The following SUSD2 variants were observed in gnomAD, a reference collection of about 807,000 sequenced individuals.
The protein encoded by SUSD2 is sushi domain containing 2.
SUSD2 carries 86 observed loss-of-function variants against 93.8 expected under a neutral mutation model. That is an observed-to-expected ratio of 0.92 (90% CI 0.77 to 1.10). The LOEUF (loss-of-function observed/expected upper bound fraction) is 1.10, where lower values mean the gene tolerates loss of function less well. Ranked by LOEUF, SUSD2 falls within the 50% of genes least tolerant of loss-of-function variation. The pLI, the probability that SUSD2 is intolerant of heterozygous loss-of-function variation, is 0.00. For missense variants in SUSD2, 1,060 were observed against 1,137.0 expected, an observed-to-expected ratio of 0.93 and a Z score of 0.97; for synonymous variants, 483 against 485.0, an observed-to-expected ratio of 1.00 and a Z score of 0.05.
rs752884554 is a variant in SUSD2 at position 24,183,230 on chromosome 22, A to C, written c.250A>C (p.Lys84Gln). The change falls in exon 2 of 15, where the codon AAG becomes CAG. Residue 84 changes from lysine (K) to glutamine (Q), a missense_variant. This residue lies in a region of SUSD2 where 87 missense variants were observed against 131.6 expected (regional missense o/e 0.66). Coordinates refer to ENST00000358321, the MANE Select transcript of SUSD2 (RefSeq NM_019601.4). Reference protein sequence around the residue: ...GGKDFVVRHFKMSSPTDASVI... With the variant: ...GGKDFVVRHFQMSSPTDASVI... ...CAAGGACTTTGTGGTGCGGCACTTC[A>C]AGATGTCCAGCCCCACAGACGCCAG... The C allele has an allele frequency of 9.3e-6, 15 of 1,613,728 alleles. No individual in the cohort carries two copies. Among genetic ancestry groups the C allele is most frequent in the Non-Finnish European group, 1.3e-5 (15 of 1,179,854 alleles).
At chr22:24,183,964 C>T in intron 3 of SUSD2, 172 bp from the exon 4 acceptor site, 1 of 699,318 alleles carries the variant, frequency 1.4e-6, no homozygotes, top group East Asian at 2.7e-5. Flanking sequence ...GGAGGGCAGG[C>T]CCCTGCCTCT....
rs752952999 is a variant in SUSD2, at chr22:24,181,573, C to T, written c.54C>T (p.Gly18=). 3 of 1,599,992 alleles carry T rather than the reference C, an allele frequency of 1.9e-6. No homozygotes were observed. The highest frequency in any genetic ancestry group is 2.6e-6 in the Non-Finnish European group (3 of 1,175,376). ...TGCTGCTGCTGGCGACAGCCCTCGG[C>T]CCGGGCCCCGGACCCACAGCAGGTA... The part of the protein sequence containing the change: ...WALLLLATAL[G]PGPGPTADAQ... The change falls in exon 1 of 15, where the codon GGC becomes GGT. Residue 18 remains glycine, a synonymous_variant. Transcript: ENST00000358321.
In SUSD2 at chr22:24,184,249, A is replaced by G; in HGVS notation, c.553A>G (p.Lys185Glu). The G allele has an allele frequency of 5.6e-6, 9 of 1,613,710 alleles. No homozygotes were observed. Among genetic ancestry groups the G allele is most frequent in the Non-Finnish European group, 6.8e-6 (8 of 1,180,008 alleles). Residue 185 changes from lysine (K) to glutamate (E), a missense_variant, in exon 4 of 15, where the codon AAG (lysine) becomes GAG (glutamate). Lys to Glu is a moderately conservative substitution (Grantham distance 56, BLOSUM62 1). Around this residue, in one of 2 missense-constraint regions of SUSD2, gnomAD observed 973 missense variants for 1,005.3 expected, o/e 0.97. Coordinates refer to ENST00000358321, the MANE Select transcript of SUSD2 (RefSeq NM_019601.4). ...CAACCTCAGCCTGACCTGGCATGTCAAGTCGCTGCCCACGCAGACCATCAC... is the reference window on the plus strand; with the variant it reads ...CAACCTCAGCCTGACCTGGCATGTCGAGTCGCTGCCCACGCAGACCATCAC... ...SGNLSLTWHV[K>E]SLPTQTITIE...
In SUSD2 at chr22:24,188,122, G is replaced by A. The variant is rs114640245; in HGVS notation, c.2328G>A (p.Pro776=). The A allele has an allele frequency of 9.8e-5, 158 of 1,612,560 alleles. No homozygotes were observed. Among genetic ancestry groups the A allele is most frequent in the East Asian group, 4.5e-4 (20 of 44,852 alleles). ...QADGTWSSPT[P]KCQPGRSYAV... ...ACGGCACCTGGTCCTCACCCACCCCGAAGTGCCAGCCAGGTGAGGACACTC... is the reference window on the plus strand; with the variant it reads ...ACGGCACCTGGTCCTCACCCACCCCAAAGTGCCAGCCAGGTGAGGACACTC... The change falls in exon 13 of 15, where the codon CCG becomes CCA. Residue 776 remains proline, a synonymous_variant. Transcript: ENST00000358321. This position sits in a 1 kb window ranked among gnomAD's most constrained non-coding sequence, Gnocchi z 4.7.
Position 24,186,130 on chromosome 22 carries a change from C to A in SUSD2, c.1454C>A (p.Ala485Glu). Residue 485 changes from alanine to glutamate, a missense_variant, in exon 9 of 15, where the codon GCG (alanine) becomes GAG (glutamate). This residue lies in a region of SUSD2 where 973 missense variants were observed against 1,005.3 expected (regional missense o/e 0.97). Transcript: ENST00000358321. ...EAALTDLRVQ[A>E]RAQPGTMSNG... ...GCGCTGACCGACCTGAGGGTGCAGG[C>A]GCGGGCCCAGCCCGGGACGATGTCC... 3 of 1,611,182 alleles carry A rather than the reference C, an allele frequency of 1.9e-6. No homozygotes were observed. Among genetic ancestry groups the A allele is most frequent in the Non-Finnish European group, 2.5e-6 (3 of 1,178,962 alleles).
rs762764639 is a variant in SUSD2, at chr22:24,184,747, C to CA, written c.608-18dup. On this transcript the variant is annotated intron_variant, in intron 4 of 14. Coordinates refer to ENST00000358321, the MANE Select transcript of SUSD2 (RefSeq NM_019601.4). ...GCCTCGAAGGAACCCCAGGGCTAACCAGGCATCCTCTCCCTCAGGAATGCC... is the reference window on the plus strand; with the variant it reads ...GCCTCGAAGGAACCCCAGGGCTAACCAAGGCATCCTCTCCCTCAGGAATGCC... 310 of 1,557,038 alleles carry CA rather than the reference C, an allele frequency of 2.0e-4. No individual in the cohort carries two copies. The highest frequency in any genetic ancestry group is 9.7e-5 in the Admixed American group (5 of 51,662).
intron 3 of SUSD2, 126 bp downstream of exon 3, chr22:24,183,772 G>T (rs2047341935): frequency 3.6e-6 from 4 of 1,101,624 alleles, no homozygotes; most frequent in Admixed American, 2.6e-5. Context: ...TGGGAGGCCT[G>T]CCCGCCTGCG....
Position 24,187,184 on chromosome 22 carries a change from C to T in SUSD2, c.1643-18C>T, listed in dbSNP as rs762815387. Reference sequence around the variant, plus strand: ...ATGCTCACAGCGGGTGACCCTAATGCATCCCCCTTGAGCCCAGGAATGTTC... The same window carrying T: ...ATGCTCACAGCGGGTGACCCTAATGTATCCCCCTTGAGCCCAGGAATGTTC... On this transcript the variant is annotated intron_variant, in intron 10 of 14. Transcript: ENST00000358321. The T allele has an allele frequency of 9.3e-6, 15 of 1,607,996 alleles. No homozygotes were observed. In the South Asian group the frequency reaches 1.6e-4, roughly 18 times the overall value.
At position 24,187,593 on chromosome 22, in the gene SUSD2, C is replaced by T. The variant is rs1183149534; in HGVS notation, c.1914C>T (p.Ser638=). 1.9e-6 allele frequency: 3 copies of T among 1,613,396 alleles called. No individual in the cohort carries two copies. Among genetic ancestry groups the T allele is most frequent in the Non-Finnish European group, 2.5e-6 (3 of 1,179,488 alleles). ...CAGGGACCGTGCACAATGCGTCCTC[C>T]CTGCTCACCTACGATTCCTGGTTCC... ...GANWTVHNAS[S]LLTYDSWFLV... The change falls in exon 12 of 15, where the codon TCC becomes TCT. Residue 638 remains serine, a synonymous_variant. Coordinates refer to ENST00000358321, the MANE Select transcript of SUSD2 (RefSeq NM_019601.4).
At position 24,185,530 on chromosome 22, in the gene SUSD2, C is replaced by G; in HGVS notation, c.1029C>G (p.Tyr343Ter). The G allele has an allele frequency of 1.9e-6, 3 of 1,581,606 alleles. No individual in the cohort carries two copies. Among genetic ancestry groups the G allele is most frequent in the Non-Finnish European group, 2.6e-6 (3 of 1,163,914 alleles). The part of the protein sequence containing the change: ...CDMEQGSVCT[Y>*]HPGAVHCVRS... Reference sequence around the variant, plus strand: ...TGGAGCAGGGCAGCGTGTGCACCTACCACCCCGGGGCCGTGCACTGTGTGC... The same window carrying G: ...TGGAGCAGGGCAGCGTGTGCACCTAGCACCCCGGGGCCGTGCACTGTGTGC... Residue 343 changes from tyrosine to a stop codon, truncating the protein, a stop_gained, in exon 7 of 15, where the codon TAC becomes TAG. Transcript: ENST00000358321. LOFTEE classifies it high-confidence loss of function.
rs1170450201 is a variant in SUSD2, at chr22:24,186,279, GC to G, written c.1507del (p.Leu503Ter). On this transcript the variant is annotated frameshift_variant, in exon 10 of 15. Coordinates refer to ENST00000358321, the MANE Select transcript of SUSD2 (RefSeq NM_019601.4). LOFTEE classifies it high-confidence loss of function. ...SNGTETRGTG[L>X]TAVAVQEGNS... ...CAGGCACGGAGACCCGTGGCACTGG[GC>G]TGACCGCAGTGGCCGTCCAGGAGGG... 5 of 1,613,512 alleles carry G rather than the reference GC, an allele frequency of 3.1e-6. No individual in the cohort carries two copies. In the African/African-American group the frequency reaches 6.7e-5, roughly 22 times the overall value.
rs770247435 is a variant in SUSD2, at chr22:24,185,878, A to G, written c.1288A>G (p.Met430Val). 6.6e-5 allele frequency: 105 copies of G among 1,589,972 alleles called. No individual in the cohort carries two copies. The highest frequency in any genetic ancestry group is 8.1e-5 in the Non-Finnish European group (95 of 1,166,506). ...CTGGGCACCCGACTGCCCCCGCTAC[A>G]TGCAACGGCGGCCCTCCAATGACTG... ...CLWAPDCPRY[M>V]QRRPSNDCRN... The change falls in exon 8 of 15, where the codon ATG becomes GTG. Residue 430 changes from methionine to valine, a missense_variant. Physicochemically the swap from Met to Val is conservative, Grantham distance 21 (BLOSUM62 1). Transcript: ENST00000358321.
intron 8 of SUSD2, 23 bp from the exon 9 acceptor site, chr22:24,185,993 G>A (rs762096996): frequency 6.9e-6 from 11 of 1,591,452 alleles, no homozygotes; most frequent in Admixed American, 3.4e-5. Context: ...GCACCCCCAC[G>A]TGACCCTCCA....
intron 10 of SUSD2, 155 bp from the exon 11 acceptor site, chr22:24,187,047 G>T: frequency 1.0e-6 from 1 of 958,862 alleles, no homozygotes; most frequent in Non-Finnish European, 1.5e-6. Context: ...GTGGCGGAGG[G>T]TCATGGTCAG....
rs1415183721 is a variant in SUSD2 at position 24,185,849 on chromosome 22, G to A, written c.1259G>A (p.Cys420Tyr). The A allele has an allele frequency of 6.2e-7, 1 of 1,604,080 alleles. No individual in the cohort carries two copies. The highest frequency in any genetic ancestry group is 8.5e-7 in the Non-Finnish European group (1 of 1,175,306). ...LYDVLSFYYC[C>Y]LWAPDCPRYM... Reference sequence around the variant, plus strand: ...GATGTCCTCAGCTTCTATTACTGCTGCCTCTGGGCACCCGACTGCCCCCGC... The same window carrying A: ...GATGTCCTCAGCTTCTATTACTGCTACCTCTGGGCACCCGACTGCCCCCGC... Residue 420 changes from cysteine (C) to tyrosine (Y), a missense_variant, in exon 8 of 15, where the codon TGC (cysteine) becomes TAC (tyrosine). By Grantham distance (194) the Cys-to-Tyr change is radical. Transcript: ENST00000358321.
chr22:24,186,284 C>T lies in SUSD2; in HGVS notation c.1511C>T (p.Thr504Ile). The change falls in exon 10 of 15, where the codon ACC becomes ATC. Residue 504 changes from threonine (T) to isoleucine (I), a missense_variant. Coordinates refer to ENST00000358321, the MANE Select transcript of SUSD2 (RefSeq NM_019601.4). The stretch of plus-strand genomic sequence containing the variant: ...ACGGAGACCCGTGGCACTGGGCTGA[C>T]CGCAGTGGCCGTCCAGGAGGGCAAC... ...NGTETRGTGL[T>I]AVAVQEGNSD... 6.2e-7 allele frequency: 1 copy of T among 1,613,702 alleles called. No homozygotes were observed. Among genetic ancestry groups the T allele is most frequent in the Non-Finnish European group, 8.5e-7 (1 of 1,180,012 alleles).
chr22:24,187,580 AC>A lies in SUSD2; in HGVS notation c.1902del (p.His634GlnfsTer66). ...GTCATGTATCTTCCAGGGACCGTGC[AC>A]AATGCGTCCTCCCTGCTCACCTACG... ...LFLFGANWTV[H>X]NASSLLTYDS... On this transcript the variant is annotated frameshift_variant, in exon 12 of 15. Transcript: ENST00000358321. LOFTEE classifies it high-confidence loss of function. 8 of 1,612,078 alleles carry A rather than the reference AC, an allele frequency of 5.0e-6. No homozygotes were observed. Among genetic ancestry groups the A allele is most frequent in the Non-Finnish European group, 6.8e-6 (8 of 1,178,634 alleles).
chr22:24,185,156 G>A lies in SUSD2; in HGVS notation c.845G>A (p.Arg282Gln), dbSNP rs201083800. The A allele has an allele frequency of 1.3e-5, 21 of 1,612,716 alleles. No individual in the cohort carries two copies. Among genetic ancestry groups the A allele is most frequent in the East Asian group, 6.7e-5 (3 of 44,834 alleles). The change falls in exon 6 of 15, where the codon CGA becomes CAA. Residue 282 changes from arginine (R) to glutamine (Q), a missense_variant. Physicochemically the swap from Arg to Gln is conservative, Grantham distance 43 (BLOSUM62 1). Coordinates refer to ENST00000358321, the MANE Select transcript of SUSD2 (RefSeq NM_019601.4). The part of the protein sequence containing the change: ...ALAWHLSDDF[R>Q]EDPVAWARTQ... ...GCCTGGCACCTGAGCGATGACTTCC[G>A]AGAGGACCCTGTGGCCTGGGCACGA...
In SUSD2 at chr22:24,181,546, CCTG is replaced by C. The variant is rs773247216; in HGVS notation, c.37_39del (p.Leu13del). The C allele has an allele frequency of 1.4e-5, 23 of 1,596,544 alleles. No homozygotes were observed. The highest frequency in any genetic ancestry group is 9.0e-5 in the East Asian group (4 of 44,422). On this transcript the variant is annotated inframe_deletion, in exon 1 of 15. Coordinates refer to ENST00000358321, the MANE Select transcript of SUSD2 (RefSeq NM_019601.4). ...TGAAGCCAGCCCTCCTGCCCTGGGC[CCTG>C]CTGCTGCTGGCGACAGCCCTCGGCC... is the stretch of plus-strand genomic sequence containing the variant.
Sources: allele counts gnomAD v4.1 joint callset, GRCh38; gene constraint gnomAD v4.1.1; regional missense constraint gnomAD v4.1.1; non-coding constraint Gnocchi (gnomAD v3.1); transcripts MANE v1.5; gene names NCBI Gene and HGNC (gene_info 2026-07-23, HGNC 2026-07-21).